Variants in DPP6 observed in about 807,000 individuals in gnomAD.
The protein encoded by DPP6 is A-type potassium channel modulatory protein DPP6.
DPP6 carries 69 observed loss-of-function variants against 122.6 expected under a neutral mutation model. The observed-to-expected ratio is 0.56, with a 90% CI of 0.46 to 0.69. DPP6 has a LOEUF of 0.69. Ranked by LOEUF, DPP6 falls within the 30% of genes least tolerant of loss-of-function variation. DPP6 has a pLI of 0.00. For synonymous variants in DPP6, 418 were observed against 433.1 expected (o/e 0.97, Z 0.43); for missense variants, 928 against 1,116.9 (o/e 0.83, Z 2.41).
chr7:154,096,545 C>T (rs1354661759), intron 1 of DPP6, among the ~76,000 whole-genome samples: 1 of 151,176 alleles, frequency 6.6e-6, no homozygotes, highest in Non-Finnish European at 1.5e-5. Context: ...TAAAGTAAAA[C>T]ATTTTAAATC....
intron 1 of DPP6, among the ~76,000 whole-genome samples, chr7:154,173,501 C>T (rs1326403507): frequency 6.6e-6 from 1 of 152,142 alleles, no homozygotes; most frequent in Non-Finnish European, 1.5e-5. Context: ...CTCTCCTGCT[C>T]ATCTCTCTCC....
chr7:154,425,603 A>AAAAAGTGTGT lies in DPP6; in HGVS notation c.244-20610_244-20609insAAAGTGTGTA, dbSNP rs1452750509. ...GTTTATAGGTTAGTTTGGGGAAAAAAATGTGTGTGTGTGTGTGGGTGTGTG... is the reference window on the plus strand; with the variant it reads ...GTTTATAGGTTAGTTTGGGGAAAAAAAAAAGTGTGTATGTGTGTGTGTGTGTGGGTGTGTG... On this transcript the variant is annotated intron_variant, in intron 1 of 25. Transcript: ENST00000377770. Among the ~76,000 whole-genome samples, 5 of 86,766 alleles carry AAAAAGTGTGT rather than the reference A, an allele frequency of 5.8e-5. No homozygotes were observed. In the East Asian group the frequency reaches 2.3e-3, roughly 41 times the overall value. 56.9% of individuals were successfully genotyped at this position (86,766 alleles called of 152,430 possible).
chr7:154,353,268 G>A (rs1175980339), intron 1 of DPP6, among the ~76,000 whole-genome samples: 4 of 152,134 alleles, frequency 2.6e-5, no homozygotes, highest in African/African-American at 7.2e-5. Flanking sequence ...CTCTTCCTCC[G>A]TGAACGGCAG....
At chr7:154,675,938 C>T (rs1838868317) in intron 7 of DPP6, among the ~76,000 whole-genome samples, 1 of 152,238 alleles carries the variant, frequency 6.6e-6, no homozygotes, top group African/African-American at 2.4e-5. Flanking sequence ...AAAACAAAGC[C>T]ATCCAGACAG....
chr7:154,223,136 C>T (rs1403306596), intron 1 of DPP6, among the ~76,000 whole-genome samples: 5 of 148,714 alleles, frequency 3.4e-5, no homozygotes, highest in African/African-American at 7.7e-5. Context: ...GTCTGTTCCC[C>T]ATCCCATGAC....
At chr7:154,682,609 A>G (rs1839351855) in intron 7 of DPP6, among the ~76,000 whole-genome samples, 1 of 152,222 alleles carries the variant, frequency 6.6e-6, no homozygotes, top group Non-Finnish European at 1.5e-5. Flanking sequence ...AGAGGTTTCT[A>G]AGAACGTTTG....
At chr7:154,413,125 C>T (rs1007852395) in intron 1 of DPP6, among the ~76,000 whole-genome samples, 1 of 152,182 alleles carries the variant, frequency 6.6e-6, no homozygotes, top group African/African-American at 2.4e-5. Flanking sequence ...GTGAGAGACA[C>T]GCTGCCCTAA....
At chr7:154,441,957 A>C (rs1819413749) in intron 1 of DPP6, among the ~76,000 whole-genome samples, 1 of 152,224 alleles carries the variant, frequency 6.6e-6, no homozygotes, top group African/African-American at 2.4e-5. Context: ...GCCTGAGTTA[A>C]AAATAAGTAT....
intron 15 of DPP6, among the ~76,000 whole-genome samples, chr7:154,805,985 G>C (rs1181348337): frequency 6.6e-6 from 1 of 152,232 alleles, no homozygotes; most frequent in Non-Finnish European, 1.5e-5. Flanking sequence ...CCGCCCCACT[G>C]CTGGGACATT....
chr7:154,189,174 T>C (rs1343959835), intron 1 of DPP6, among the ~76,000 whole-genome samples: 2 of 152,188 alleles, frequency 1.3e-5, no homozygotes, highest in Non-Finnish European at 2.9e-5. Context: ...TAAGATGAGA[T>C]CGTGATACCT....
chr7:154,586,837 C>A (rs185470258), intron 5 of DPP6, among the ~76,000 whole-genome samples: 52 of 152,266 alleles, frequency 3.4e-4, no homozygotes, highest in Non-Finnish European at 6.6e-4. Flanking sequence ...CCCCAGATAC[C>A]CCAGGCATCA....
intron 1 of DPP6, among the ~76,000 whole-genome samples, chr7:154,127,184 TAC>T (rs1157435812): frequency 6.6e-6 from 1 of 152,238 alleles, no homozygotes; most frequent in Non-Finnish European, 1.5e-5. Flanking sequence ...GGGCATTTGA[TAC>T]TAAGTTACGT....
intron 3 of DPP6, among the ~76,000 whole-genome samples, chr7:154,484,543 CGCT>C (rs1485796634): frequency 2.0e-5 from 3 of 152,182 alleles, no homozygotes; most frequent in South Asian, 2.1e-4. Flanking sequence ...AGAAGCTGCT[CGCT>C]GGGCCTGATT....
intron 2 of DPP6, among the ~76,000 whole-genome samples, chr7:154,473,100 A>G (rs1822430156): frequency 6.6e-6 from 1 of 152,240 alleles, no homozygotes; most frequent in Non-Finnish European, 1.5e-5. Context: ...TTAATCAGAT[A>G]AAATGTAAAT....
intron 5 of DPP6, among the ~76,000 whole-genome samples, chr7:154,633,493 C>T (rs1446707539): frequency 6.6e-6 from 1 of 152,224 alleles, no homozygotes; most frequent in Non-Finnish European, 1.5e-5. Context: ...GCCTCAGCCT[C>T]CCAAAGTGCT....
rs143944650 is a variant in DPP6, at chr7:154,324,867, ATT to A, written c.244-121332_244-121331del. Among the ~76,000 whole-genome samples the A allele has an allele frequency of 3.0e-4, 34 of 113,058 alleles. No individual in the cohort carries two copies. The Admixed American group carries it at 3.1e-3, about 10-fold the overall frequency. The allele number at this position is 113,058 out of a possible 152,430, so 74.2% of individuals were successfully genotyped here. A position where few individuals can be genotyped will look rare whatever the true frequency, so the allele number is the denominator to read the frequency against. On this transcript the variant is annotated intron_variant, in intron 1 of 25. Transcript: ENST00000377770. ...TCTTTCTTTCTTCTTTCCTTTTGTTATTTTTTTTTTTTTTTTGAGTCTTGCTC... is the reference window on the plus strand; with the variant it reads ...TCTTTCTTTCTTCTTTCCTTTTGTTATTTTTTTTTTTTTTGAGTCTTGCTC...
chr7:154,216,470 G>A (rs1257210594), intron 1 of DPP6, among the ~76,000 whole-genome samples: 1 of 152,164 alleles, frequency 6.6e-6, no homozygotes, highest in Non-Finnish European at 1.5e-5. Context: ...CTCATGCTTG[G>A]TCCAAGGACT....
intron 2 of DPP6, among the ~76,000 whole-genome samples, chr7:154,453,344 C>T (rs1820553541): frequency 6.6e-6 from 1 of 152,110 alleles, no homozygotes; most frequent in South Asian, 2.1e-4. Context: ...TATCAGAACA[C>T]AAGACTCGTC....
chr7:154,623,344 T>C (rs1834819257), intron 5 of DPP6, among the ~76,000 whole-genome samples: 1 of 152,170 alleles, frequency 6.6e-6, no homozygotes, highest in Non-Finnish European at 1.5e-5. Context: ...AAACAAACTA[T>C]TCCCTGGGCA....
Sources: gnomAD v4.1 joint callset for allele counts (sites outside exome capture counted in the v4.1 genomes callset) on GRCh38, gnomAD v4.1.1 for gene constraint, MANE v1.5 for transcripts, NCBI Gene and HGNC (gene_info 2026-07-23, HGNC 2026-07-21) for gene names.